Variants in TMPRSS3 observed in about 807,000 individuals in gnomAD.
TMPRSS3 encodes transmembrane serine protease 3.
In TMPRSS3, 55 loss-of-function variants were observed where a neutral mutation model predicts 59.6. That is an observed-to-expected ratio of 0.92 (90% CI 0.74 to 1.16). TMPRSS3 has a LOEUF of 1.16. TMPRSS3 is among the 50% of genes most tolerant of loss of function. The probability of loss-of-function intolerance (pLI) is 0.00; values close to 1 mark genes in which losing one functional copy is unlikely to be tolerated. For synonymous variants in TMPRSS3, 257 were observed against 237.7 expected, an observed-to-expected ratio of 1.08 and a Z score of -0.75; for missense variants, 596 against 579.4, an observed-to-expected ratio of 1.03 and a Z score of -0.29.
At chr21:42,387,527 G>A (rs545670253) in intron 5 of TMPRSS3, among the ~76,000 whole-genome samples, 1 of 152,302 alleles carries the variant, frequency 6.6e-6, no homozygotes, top group South Asian at 2.1e-4. Context: ...GAGGGAGAGG[G>A]AGGCAGACCT....
chr21:42,395,869 T>A (rs2052799828), intron 1 of TMPRSS3, 73 bp downstream of exon 1: 2 of 485,576 alleles, frequency 4.1e-6, no homozygotes. Context: ...TTTTCACCTG[T>A]CCCACATAAA....
chr21:42,375,148 C>T (rs1342025688), intron 12 of TMPRSS3, among the ~76,000 whole-genome samples: 1 of 151,958 alleles, frequency 6.6e-6, no homozygotes, highest in Non-Finnish European at 1.5e-5. Flanking sequence ...CCTCCATGCC[C>T]GGGTCCTGCC....
chr21:42,378,466 G>C (rs1301712290), intron 10 of TMPRSS3, among the ~76,000 whole-genome samples: 2 of 152,268 alleles, frequency 1.3e-5, no homozygotes, highest in East Asian at 3.9e-4. Flanking sequence ...CAGCGTTTAG[G>C]GTGGACCCTA....
chr21:42,374,661 G>A (rs1229446503), intron 12 of TMPRSS3, among the ~76,000 whole-genome samples: 1 of 152,088 alleles, frequency 6.6e-6, no homozygotes, highest in East Asian at 1.9e-4. Flanking sequence ...ACTGACAAAG[G>A]TGGTGTCTGC....
intron 12 of TMPRSS3, among the ~76,000 whole-genome samples, chr21:42,375,216 C>G (rs189714613): frequency 6.6e-6 from 1 of 150,488 alleles, no homozygotes; most frequent in Non-Finnish European, 1.5e-5. Flanking sequence ...CACGCCTCCC[C>G]CTCCGGGACC....
At position 42,377,793 on chromosome 21, in the gene TMPRSS3, G is replaced by A. The variant is rs115917188; in HGVS notation, c.1049-1110C>T. 3.6e-3 allele frequency among the ~76,000 whole-genome samples: 554 copies of A among 152,348 alleles called. 1 individual carries two copies. Among genetic ancestry groups the A allele is most frequent in the African/African-American group, 0.012 (505 of 41,582 alleles). On this transcript the variant is annotated intron_variant, in intron 10 of 12. Coordinates refer to ENST00000644384, the MANE Select transcript of TMPRSS3 (RefSeq NM_001256317.3). The stretch of plus-strand genomic sequence containing the variant: ...AGACACTCAGCTTCCTGCCCGGAAC[G>A]TGGCGAAACAGCTCAATGCATTATG...
At chr21:42,372,925 C>T in intron 12 of TMPRSS3, 146 bp from the exon 13 acceptor site, 7 of 897,646 alleles carry the variant, frequency 7.8e-6, no homozygotes, top group Non-Finnish European at 1.3e-5. Flanking sequence ...CCCCCTGGGG[C>T]TGCCAGCTCT....
intron 10 of TMPRSS3, among the ~76,000 whole-genome samples, chr21:42,379,817 G>A (rs887689541): frequency 6.6e-6 from 1 of 152,132 alleles, no homozygotes; most frequent in East Asian, 1.9e-4. Context: ...GGCTCTGTAT[G>A]TCCTCAGTTA....
intron 2 of TMPRSS3, among the ~76,000 whole-genome samples, chr21:42,395,114 C>T (rs1303967703): frequency 2.0e-5 from 3 of 152,162 alleles, no homozygotes; most frequent in African/African-American, 7.2e-5. Context: ...CACCGGTCTC[C>T]AGGGAGAGAG....
intron 12 of TMPRSS3, 46 bp downstream of exon 12, chr21:42,375,670 G>T (rs982886783): frequency 6.2e-7 from 1 of 1,613,050 alleles, no homozygotes; most frequent in Non-Finnish European, 8.5e-7. Context: ...GGACCTTAGG[G>T]TCAAAAGCCA....
Position 42,383,163 on chromosome 21 carries a change from C to T in TMPRSS3, c.652G>A (p.Val218Met), listed in dbSNP as rs567975394. Reference protein sequence around the residue: ...GHRRGYSSRIVGGNMSLLSQW... With the variant: ...GHRRGYSSRIMGGNMSLLSQW... ...GAGAGCAAGGACATGTTTCCACCCA[C>T]GATGCGTGAGCTGTAGCCCCTTCTA... Residue 218 changes from valine to methionine, a missense_variant, in exon 8 of 13, where the codon GTG becomes ATG. Transcript: ENST00000644384. 23 of 1,614,136 alleles carry T rather than the reference C, an allele frequency of 1.4e-5. No individual in the cohort carries two copies. Among genetic ancestry groups the T allele is most frequent in the Middle Eastern group, 1.7e-4 (1 of 6,060 alleles).
chr21:42,395,471 T>G lies in TMPRSS3; in HGVS notation c.-51-3A>C. ...GGCTCCGCCTCCACCTCTACCTCCT[T>G]AGCCGAGGAAGAACAGAAAGCATTT... On this transcript the variant is annotated splice_polypyrimidine_tract_variant and splice_region_variant and intron_variant, in intron 1 of 12. Coordinates refer to ENST00000644384, the MANE Select transcript of TMPRSS3 (RefSeq NM_001256317.3). The G allele has an allele frequency of 1.4e-6, 2 of 1,440,262 alleles. No homozygotes were observed. The highest frequency in any genetic ancestry group is 2.0e-6 in the Non-Finnish European group (2 of 1,023,074). 89.2% of individuals were successfully genotyped at this position (1,440,262 alleles called of 1,614,324 possible). A position where few individuals can be genotyped will look rare whatever the true frequency, so the allele number is the denominator to read the frequency against.
chr21:42,372,491 C>T lies in TMPRSS3; in HGVS notation c.*271G>A, dbSNP rs1372355920. 1.1e-5 allele frequency: 7 copies of T among 611,820 alleles called. No individual in the cohort carries two copies. The highest frequency in any genetic ancestry group is 7.3e-5 in the African/African-American group (4 of 55,106). 37.9% of individuals were successfully genotyped at this position (611,820 alleles called of 1,614,324 possible). On this transcript the variant is annotated 3_prime_UTR_variant, in exon 13 of 13. Transcript: ENST00000644384. ...AAGAGAATCGCTTGAACCAGGGAAG[C>T]GGAGGCTGCAGTGAGCAGGGATTTC...
In TMPRSS3 at chr21:42,372,618, C is replaced by T. The variant is rs1433333443; in HGVS notation, c.*144G>A. The T allele has an allele frequency of 2.4e-6, 2 of 850,304 alleles. No individual in the cohort carries two copies. The highest frequency in any genetic ancestry group is 4.1e-6 in the Non-Finnish European group (2 of 484,362). The allele number at this position is 850,304 out of a possible 1,614,324, so 52.7% of individuals were successfully genotyped here. A position where few individuals can be genotyped will look rare whatever the true frequency, so the allele number is the denominator to read the frequency against. On this transcript the variant is annotated 3_prime_UTR_variant, in exon 13 of 13. Coordinates refer to ENST00000644384, the MANE Select transcript of TMPRSS3 (RefSeq NM_001256317.3). ...TGTGCTGGAATCAGATGGAAGGGTGCCTCTTTCGGGCCTGCTACTGGTGCC... is the reference window on the plus strand; with the variant it reads ...TGTGCTGGAATCAGATGGAAGGGTGTCTCTTTCGGGCCTGCTACTGGTGCC...
rs558088848 is a variant in TMPRSS3, at chr21:42,388,302, C to T, written c.446+101G>A. The T allele has an allele frequency of 1.3e-3, 1,937 of 1,512,516 alleles. 4 individuals are homozygous for T. The highest frequency in any genetic ancestry group is 1.1e-3 in the Non-Finnish European group (1,233 of 1,090,408). 93.7% of individuals were successfully genotyped at this position (1,512,516 alleles called of 1,614,324 possible). On this transcript the variant is annotated intron_variant, in intron 5 of 12. Transcript: ENST00000644384. This position sits in a 1 kb window ranked among gnomAD's most constrained non-coding sequence, Gnocchi z 5.1. The stretch of plus-strand genomic sequence containing the variant: ...TGGATGTGAGGATGTAATCTGAGAG[C>T]GTTAAAGCACCCAATAGTGCCCAAC...
chr21:42,395,965 T>C lies in TMPRSS3; in HGVS notation c.-75A>G, dbSNP rs1344376769. 1.9e-6 allele frequency: 1 copy of C among 519,030 alleles called. No individual in the cohort carries two copies. Among genetic ancestry groups the C allele is most frequent in the East Asian group, 5.4e-5 (1 of 18,360 alleles). 32.2% of individuals were successfully genotyped at this position (519,030 alleles called of 1,614,324 possible). ...ACATAATTCCCGAGTCCCAAAAATG[T>C]AGATGGCACCACGGAAGAGATAGTA... is the stretch of plus-strand genomic sequence containing the variant. On this transcript the variant is annotated 5_prime_UTR_variant, in exon 1 of 13. Transcript: ENST00000644384.
intron 2 of TMPRSS3, chr21:42,390,240 T>A: frequency 1.7e-6 from 1 of 596,848 alleles, no homozygotes; most frequent in Non-Finnish European, 3.0e-6. Context: ...TCTGACCCGG[T>A]TATTCCATGG....
chr21:42,374,960 T>C (rs1488181322), intron 12 of TMPRSS3, among the ~76,000 whole-genome samples: 4 of 150,426 alleles, frequency 2.7e-5, no homozygotes, highest in Non-Finnish European at 5.9e-5. Flanking sequence ...CCGTATTAAG[T>C]GAGGACCTCC....
At chr21:42,385,290 C>A (rs1601526781) in intron 6 of TMPRSS3, 119 bp downstream of exon 6, 1 of 1,449,296 alleles carries the variant, frequency 6.9e-7, no homozygotes, top group Non-Finnish European at 9.6e-7. Flanking sequence ...CCAACTCCCA[C>A]CTTCCATCTG....
Sources: allele counts gnomAD v4.1 joint callset (sites outside exome capture counted in the v4.1 genomes callset), GRCh38; gene constraint gnomAD v4.1.1; non-coding constraint Gnocchi (gnomAD v3.1); transcripts MANE v1.5; gene names NCBI Gene and HGNC (gene_info 2026-07-23, HGNC 2026-07-21).